Variants in PTGER4 observed in about 807,000 individuals in gnomAD.
PTGER4 encodes the protein prostaglandin E receptor 4, also known as prostaglandin E2 receptor EP4 subtype.
PTGER4 carries 11 observed loss-of-function variants against 33.2 expected under a neutral mutation model. The observed-to-expected ratio is 0.33, with a 90% CI of 0.21 to 0.55. The LOEUF is 0.55. Ranked by LOEUF, PTGER4 falls within the 20% of genes least tolerant of loss-of-function variation. PTGER4 has a pLI of 0.92. For missense variants in PTGER4, 481 were observed against 650.2 expected (o/e 0.74, Z 2.83); for synonymous variants, 275 against 281.5 (o/e 0.98, Z 0.23).
chr5:40,713,452 T>C, the PTGER4 span, among the ~76,000 whole-genome samples: 1 of 152,200 alleles, frequency 6.6e-6, no homozygotes, highest in African/African-American at 2.4e-5. Flanking sequence ...ATTCAAAAGA[T>C]TGTCATACTG....
chr5:40,735,059 G>C, the PTGER4 span, among the ~76,000 whole-genome samples: 3 of 152,164 alleles, frequency 2.0e-5, no homozygotes, highest in Non-Finnish European at 4.4e-5. Context: ...ACCTGGGGCA[G>C]GACCAAACCA....
chr5:40,725,764 C>T, the PTGER4 span, among the ~76,000 whole-genome samples: 5,431 of 151,542 alleles, frequency 0.036, 133 homozygotes, highest in Non-Finnish European at 0.056. Context: ...ATTTTTAACT[C>T]CCAGAACCAT....
downstream of PTGER4, among the ~76,000 whole-genome samples, chr5:40,694,038 TTTTA>T (rs1741533076): frequency 6.6e-6 from 1 of 151,940 alleles, no homozygotes; most frequent in Non-Finnish European, 1.5e-5. Context: ...TAACTGCCAT[TTTTA>T]TTTTTATTTT....
the PTGER4 span, among the ~76,000 whole-genome samples, chr5:40,703,891 A>C: frequency 8.0e-6 from 1 of 124,614 alleles, no homozygotes; most frequent in Admixed American, 1.0e-4. Context: ...CAACAGAGCA[A>C]GACGCCGTCT....
At chr5:40,730,615 C>G in the PTGER4 span, among the ~76,000 whole-genome samples, 1 of 152,144 alleles carries the variant, frequency 6.6e-6, no homozygotes, top group Non-Finnish European at 1.5e-5. Flanking sequence ...CCTCCACCCC[C>G]GGGCAAACAC....
rs188437586 is a variant in PTGER4, at chr5:40,686,208, A to G, written c.867+4348A>G. On this transcript the variant is annotated intron_variant, in intron 2 of 2. Coordinates refer to ENST00000302472, the MANE Select transcript of PTGER4 (RefSeq NM_000958.3). ...CCTTTTATGTGCTTGGAACAGAACA[A>G]GTAGCACACACATTCAAATCCAGCT... Among the ~76,000 whole-genome samples, 3 of 152,372 alleles carry G rather than the reference A, an allele frequency of 2.0e-5. No individual in the cohort carries two copies. In the East Asian group the frequency reaches 5.8e-4, roughly 29 times the overall value.
the PTGER4 span, chr5:40,715,035 A>C: frequency 6.6e-6 from 1 of 152,098 alleles, no homozygotes; most frequent in Admixed American, 6.6e-5. Context: ...TTTTTTTAAT[A>C]TAGCCTTTTC....
chr5:40,720,742 T>TAC, the PTGER4 span, among the ~76,000 whole-genome samples: 8 of 152,040 alleles, frequency 5.3e-5, no homozygotes, highest in African/African-American at 1.9e-4. Context: ...TGAATAAGAA[T>TAC]ACACACTCAT....
the PTGER4 span, chr5:40,714,571 C>G: frequency 2.6e-5 from 4 of 152,128 alleles, no homozygotes; most frequent in Admixed American, 1.3e-4. Flanking sequence ...TCTCTAGATA[C>G]CTATTTACGT....
At chr5:40,720,531 T>C in the PTGER4 span, among the ~76,000 whole-genome samples, 13 of 152,322 alleles carry the variant, frequency 8.5e-5, no homozygotes, top group East Asian at 2.5e-3. Flanking sequence ...AAATTTAAGA[T>C]AGTTTAAAAT....
At chr5:40,703,375 C>A in the PTGER4 span, among the ~76,000 whole-genome samples, 1 of 152,120 alleles carries the variant, frequency 6.6e-6, no homozygotes, top group Non-Finnish European at 1.5e-5. Context: ...ACTACGCACA[C>A]AAACTAGAAA....
chr5:40,681,753 T>G lies in PTGER4; in HGVS notation c.760T>G (p.Phe254Val), dbSNP rs1741199059. The G allele has an allele frequency of 6.3e-7, 1 of 1,595,642 alleles. No homozygotes were observed. The change falls in exon 2 of 3, where the codon TTT becomes GTT. Residue 254 changes from phenylalanine to valine, a missense_variant. Phe to Val is a conservative substitution (Grantham distance 50). Coordinates refer to ENST00000302472, the MANE Select transcript of PTGER4 (RefSeq NM_000958.3). This position sits in a 1 kb window ranked among gnomAD's most constrained non-coding sequence, Gnocchi z 9.8. ...ASPALPRLSD[F>V]RRRRSFRRIA... ...CCCAGCCTTGCCGCGCCTCAGCGAC[T>G]TTCGGCGCCGCCGGAGCTTCCGCCG... is the stretch of plus-strand genomic sequence containing the variant.
chr5:40,686,973 C>G (rs1327402706), intron 2 of PTGER4, among the ~76,000 whole-genome samples: 1 of 152,122 alleles, frequency 6.6e-6, no homozygotes, highest in South Asian at 2.1e-4. Context: ...GCAGGAGCTA[C>G]TAGAAAAAGA....
At chr5:40,706,927 C>A in the PTGER4 span, among the ~76,000 whole-genome samples, 1 of 152,096 alleles carries the variant, frequency 6.6e-6, no homozygotes, top group Non-Finnish European at 1.5e-5. Flanking sequence ...TCCAGCCAAA[C>A]TAAGCTTCAT....
chr5:40,693,496 A>T lies in PTGER4; in HGVS notation c.*1118A>T. ...GTTACATTAGCCATTCATGTATGTCAGAAGTGCAGAATTGGGGCACTTAAT... is the reference window on the plus strand; with the variant it reads ...GTTACATTAGCCATTCATGTATGTCTGAAGTGCAGAATTGGGGCACTTAAT... On this transcript the variant is annotated 3_prime_UTR_variant, in exon 3 of 3. Coordinates refer to ENST00000302472, the MANE Select transcript of PTGER4 (RefSeq NM_000958.3). 1.1e-5 allele frequency: 11 copies of T among 985,988 alleles called. No individual in the cohort carries two copies. Among genetic ancestry groups the T allele is most frequent in the Non-Finnish European group, 1.3e-5 (11 of 829,930 alleles). 61.1% of individuals were successfully genotyped at this position (985,988 alleles called of 1,614,324 possible).
the PTGER4 span, chr5:40,715,646 T>A: frequency 6.6e-6 from 1 of 152,474 alleles, no homozygotes; most frequent in Non-Finnish European, 1.5e-5. Context: ...TATAACCAAA[T>A]GACAACTTTG....
intron 2 of PTGER4, among the ~76,000 whole-genome samples, chr5:40,682,313 G>T (rs867140860): frequency 2.6e-5 from 4 of 152,098 alleles, no homozygotes; most frequent in Admixed American, 1.3e-4. Context: ...AGGAAAGTGG[G>T]GTTTTTGGTG....
chr5:40,684,736 G>A (rs1758359690), intron 2 of PTGER4, among the ~76,000 whole-genome samples: 1 of 152,180 alleles, frequency 6.6e-6, no homozygotes. Flanking sequence ...GTGTAAGTAT[G>A]ATCTACAAGG....
chr5:40,692,590 T>G lies in PTGER4; in HGVS notation c.*212T>G. On this transcript the variant is annotated 3_prime_UTR_variant, in exon 3 of 3. Coordinates refer to ENST00000302472, the MANE Select transcript of PTGER4 (RefSeq NM_000958.3). ...CAGCACGTCGGATGCTACCCCACTA[T>G]GACAGAGGATTGTGGTCACAACTTG... is the stretch of plus-strand genomic sequence containing the variant. 7.5e-7 allele frequency: 1 copy of G among 1,332,842 alleles called. No individual in the cohort carries two copies. Among genetic ancestry groups the G allele is most frequent in the African/African-American group, 1.5e-5 (1 of 67,870 alleles). 82.6% of individuals were successfully genotyped at this position (1,332,842 alleles called of 1,614,324 possible). A position where few individuals can be genotyped will look rare whatever the true frequency, so the allele number is the denominator to read the frequency against.
Sources: allele counts gnomAD v4.1 joint callset (sites outside exome capture counted in the v4.1 genomes callset), GRCh38; gene constraint gnomAD v4.1.1; non-coding constraint Gnocchi (gnomAD v3.1); transcripts MANE v1.5; gene names NCBI Gene and HGNC (gene_info 2026-07-23, HGNC 2026-07-21).